The following PIEZO2 variants were observed in gnomAD, a reference collection of about 807,000 sequenced individuals.
PIEZO2 encodes the protein piezo-type mechanosensitive ion channel component 2.
PIEZO2 carries 172 observed loss-of-function variants against 337.3 expected under a neutral mutation model. That is an observed-to-expected ratio of 0.51 (90% CI 0.45 to 0.58). The LOEUF is 0.58. Among genes scored for constraint, PIEZO2 ranks in the 20% least tolerant of loss-of-function variants. The probability of loss-of-function intolerance (pLI) is 0.00; values close to 1 mark genes in which losing one functional copy is unlikely to be tolerated. For missense variants in PIEZO2, 3,028 were observed against 3,391.3 expected (o/e 0.89, Z 2.66); for synonymous variants, 1,251 against 1,228.5 (o/e 1.02, Z -0.38).
chr18:10,978,582 A>G (rs2034539183), intron 3 of PIEZO2, among the ~76,000 whole-genome samples: 1 of 152,210 alleles, frequency 6.6e-6, no homozygotes, highest in South Asian at 2.1e-4. Flanking sequence ...TAGTTTATGT[A>G]TATAAATTTT....
In PIEZO2 at chr18:10,752,645, A is replaced by G. The variant is rs1598433387; in HGVS notation, c.4158T>C (p.Asn1386=). Reference sequence around the variant, plus strand: ...AGTGGCAACCACTTACTGACAGGATATTTTTCATCGTAATCACAAAAACGT... The same window carrying G: ...AGTGGCAACCACTTACTGACAGGATGTTTTTCATCGTAATCACAAAAACGT... ...AYNVFVITMK[N]ILSIGACGYI... Residue 1386 remains asparagine, a synonymous_variant, in exon 28 of 56, where the codon AAT becomes AAC. Transcript: ENST00000674853. The G allele has an allele frequency of 6.5e-7, 1 of 1,537,106 alleles. No homozygotes were observed. Among genetic ancestry groups the G allele is most frequent in the Middle Eastern group, 1.7e-4 (1 of 5,990 alleles).
In PIEZO2 at chr18:10,795,930, T is replaced by TTATCTTC. The variant is rs1393496061; in HGVS notation, c.1528-935_1528-929dup. 6.6e-6 allele frequency among the ~76,000 whole-genome samples: 1 copy of TTATCTTC among 152,146 alleles called. No individual in the cohort carries two copies. Among genetic ancestry groups the TTATCTTC allele is most frequent in the African/African-American group, 2.4e-5 (1 of 41,414 alleles). On this transcript the variant is annotated intron_variant, in intron 12 of 55. Coordinates refer to ENST00000674853, the MANE Select transcript of PIEZO2 (RefSeq NM_001378183.1). The surrounding 1 kb of genome is among the most constrained non-coding windows in gnomAD (Gnocchi z 4.4). ...GGAAAAGGAGAGATTATAGCTTCTT[T>TTATCTTC]TATCTTCTATCTATGGGCCAAGGGT...
rs2145980739 is a variant in PIEZO2 at position 11,080,330 on chromosome 18, T to C, written c.65-14108A>G. 6.6e-6 allele frequency among the ~76,000 whole-genome samples: 1 copy of C among 152,268 alleles called. No individual in the cohort carries two copies. Among genetic ancestry groups the C allele is most frequent in the Admixed American group, 6.5e-5 (1 of 15,290 alleles). ...CTTCCACCTCAGAATACCCATAGCATTTTGGTTTTAACACTCTTACAACAT... is the reference window on the plus strand; with the variant it reads ...CTTCCACCTCAGAATACCCATAGCACTTTGGTTTTAACACTCTTACAACAT... On this transcript the variant is annotated intron_variant, in intron 1 of 55. Coordinates refer to ENST00000674853, the MANE Select transcript of PIEZO2 (RefSeq NM_001378183.1). The surrounding 1 kb of genome is among the most constrained non-coding windows in gnomAD (Gnocchi z 5.4).
chr18:10,904,557 C>T (rs1017844056), intron 4 of PIEZO2, among the ~76,000 whole-genome samples: 3 of 152,148 alleles, frequency 2.0e-5, no homozygotes, highest in Non-Finnish European at 2.9e-5. Flanking sequence ...GGGCTTGGCA[C>T]CTGGAAGTAG....
At chr18:11,085,578 T>C (rs2038881432) in intron 1 of PIEZO2, among the ~76,000 whole-genome samples, 1 of 152,118 alleles carries the variant, frequency 6.6e-6, no homozygotes, top group Non-Finnish European at 1.5e-5. Context: ...CAGGTTTTAG[T>C]GTTTGATGTT....
rs1475044523 is a variant in PIEZO2 at position 10,886,376 on chromosome 18, GTGTGTATATATATATATATATATA to G, written c.330-14985_330-14962del. Among the ~76,000 whole-genome samples, 2 of 13,808 alleles carry G rather than the reference GTGTGTATATATATATATATATATA, an allele frequency of 1.4e-4. 1 individual carries two copies. The highest frequency in any genetic ancestry group is 1.2e-3 in the African/African-American group (2 of 1,606). The allele number at this position is 13,808 out of a possible 152,430, so 9.1% of individuals were successfully genotyped here. On this transcript the variant is annotated intron_variant, in intron 4 of 55. Transcript: ENST00000674853. The stretch of plus-strand genomic sequence containing the variant: ...CACACACACACATATATATGTGTGT[GTGTGTATATATATATATATATATA>G]TATATATATATATATATATATATGT...
chr18:11,098,244 TACACACACACACAC>T (rs150739388), intron 1 of PIEZO2, among the ~76,000 whole-genome samples: 44,256 of 145,596 alleles, frequency 0.3, 6,685 homozygotes, highest in African/African-American at 0.36. Flanking sequence ...AGAAGCAAGA[TACACACACACACAC>T]ACACACACAC....
rs951397941 is a variant in PIEZO2, at chr18:11,002,235, T to C, written c.161-22575A>G. Among the ~76,000 whole-genome samples the C allele has an allele frequency of 1.3e-5, 2 of 152,336 alleles. No individual in the cohort carries two copies. The highest frequency in any genetic ancestry group is 4.8e-5 in the African/African-American group (2 of 41,584). On this transcript the variant is annotated intron_variant, in intron 2 of 55. Transcript: ENST00000674853. The surrounding 1 kb of genome is among the most constrained non-coding windows in gnomAD (Gnocchi z 4.3). ...TTTTCTCTTGATTTTTTCAACCATT[T>C]ACATTCGCTCCTAGGTCATACAAAA...
intron 1 of PIEZO2, among the ~76,000 whole-genome samples, chr18:11,089,355 T>C (rs1306867840): frequency 6.6e-6 from 1 of 152,132 alleles, no homozygotes; most frequent in African/African-American, 2.4e-5. Context: ...AATCAATGTG[T>C]CATCAAGCAC....
At chr18:10,814,931 C>T (rs1365567845) in intron 7 of PIEZO2, among the ~76,000 whole-genome samples, 7 of 152,144 alleles carry the variant, frequency 4.6e-5, no homozygotes, top group Non-Finnish European at 8.8e-5. Context: ...TTCAACCTTA[C>T]GGATTAATTA....
At chr18:11,006,760 C>T (rs1257595280) in intron 2 of PIEZO2, among the ~76,000 whole-genome samples, 2 of 152,230 alleles carry the variant, frequency 1.3e-5, no homozygotes, top group South Asian at 2.1e-4. Context: ...TCTTCAGGTG[C>T]ATCCCTTTCT....
intron 2 of PIEZO2, among the ~76,000 whole-genome samples, chr18:11,063,269 C>T (rs377264488): frequency 1.3e-4 from 15 of 113,982 alleles, no homozygotes; most frequent in Admixed American, 9.6e-4. Context: ...CATCACACAC[C>T]GGGGCCTGTT....
Position 10,833,594 on chromosome 18 carries a change from G to A in PIEZO2, c.917+21759C>T, listed in dbSNP as rs1242686509. 3.9e-5 allele frequency among the ~76,000 whole-genome samples: 6 copies of A among 152,124 alleles called. No individual in the cohort carries two copies. Among genetic ancestry groups the A allele is most frequent in the Non-Finnish European group, 5.9e-5 (4 of 68,020 alleles). On this transcript the variant is annotated intron_variant, in intron 7 of 55. Transcript: ENST00000674853. This position sits in a 1 kb window ranked among gnomAD's most constrained non-coding sequence, Gnocchi z 4.7. The stretch of plus-strand genomic sequence containing the variant: ...ACAGCCCAAACTGCACCTGAACCAC[G>A]CAAGCTGTGAGGACCTCACCTCGCA...
At position 11,038,599 on chromosome 18, in the gene PIEZO2, G is replaced by A. The variant is rs2037005899; in HGVS notation, c.160+27528C>T. ...TGACCTGTGAACACCCCACAGTGCA[G>A]CTGAGGAGCAGCATGTAGTCAGGAA... On this transcript the variant is annotated intron_variant, in intron 2 of 55. Transcript: ENST00000674853. This position sits in a 1 kb window ranked among gnomAD's most constrained non-coding sequence, Gnocchi z 4.1. Among the ~76,000 whole-genome samples, 1 of 152,180 alleles carries A rather than the reference G, an allele frequency of 6.6e-6. No homozygotes were observed. Among genetic ancestry groups the A allele is most frequent in the Non-Finnish European group, 1.5e-5 (1 of 68,036 alleles).
At chr18:10,887,172 C>T (rs1041143248) in intron 4 of PIEZO2, among the ~76,000 whole-genome samples, 2 of 144,876 alleles carry the variant, frequency 1.4e-5, no homozygotes, top group East Asian at 2.1e-4. Context: ...TGGGTTCAAG[C>T]GATCCTCCTG....
At chr18:10,769,805 T>C (rs17566482) in intron 21 of PIEZO2, 9,794 of 187,832 alleles carry the variant, frequency 0.052, 339 homozygotes, top group Non-Finnish European at 0.064. Flanking sequence ...CTTGGTAATG[T>C]AAACTGGAAT....
intron 1 of PIEZO2, among the ~76,000 whole-genome samples, chr18:11,100,027 T>C (rs528393599): frequency 6.6e-6 from 1 of 152,324 alleles, no homozygotes; most frequent in African/African-American, 2.4e-5. Context: ...TATTATTTTA[T>C]ATTAAGAAAA....
intron 1 of PIEZO2, among the ~76,000 whole-genome samples, chr18:11,093,816 G>A (rs2039176770): frequency 1.3e-5 from 2 of 151,954 alleles, no homozygotes; most frequent in African/African-American, 4.8e-5. Context: ...AAATCATGAA[G>A]GTAAGTAATG....
chr18:10,726,562 C>G lies in PIEZO2; in HGVS notation c.5029+4845G>C. ...CTGCTACACCAGCCGCCACGCTGTG[C>G]GTCTGTCCTTCCGCCAGCTCTTCCA... is the stretch of plus-strand genomic sequence containing the variant. On this transcript the variant is annotated intron_variant, in intron 36 of 55. Coordinates refer to ENST00000674853, the MANE Select transcript of PIEZO2 (RefSeq NM_001378183.1). The surrounding 1 kb of genome is among the most constrained non-coding windows in gnomAD (Gnocchi z 5.9). 1.4e-6 allele frequency: 2 copies of G among 1,406,434 alleles called. No individual in the cohort carries two copies. Among genetic ancestry groups the G allele is most frequent in the Non-Finnish European group, 1.9e-6 (2 of 1,059,950 alleles). 87.1% of individuals were successfully genotyped at this position (1,406,434 alleles called of 1,614,324 possible).
Sources: gnomAD v4.1 joint callset for allele counts (sites outside exome capture counted in the v4.1 genomes callset) on GRCh38, gnomAD v4.1.1 for gene constraint, Gnocchi (gnomAD v3.1) non-coding constraint, MANE v1.5 for transcripts, NCBI Gene and HGNC (gene_info 2026-07-23, HGNC 2026-07-21) for gene names.